The following SLCO2A1 variants were observed in gnomAD, a reference collection of about 807,000 sequenced individuals.
SLCO2A1 encodes solute carrier organic anion transporter family member 2A1, also known as matrin F/G 1.
Under a neutral mutation model 71.7 loss-of-function variants are expected in SLCO2A1, and 60 were observed. The observed-to-expected ratio is 0.84, with a 90% CI of 0.68 to 1.04. SLCO2A1 has a LOEUF of 1.04. Ranked by LOEUF, SLCO2A1 falls within the 50% of genes least tolerant of loss-of-function variation. The pLI is 0.00. For missense variants in SLCO2A1, 745 were observed against 813.4 expected (o/e 0.92, Z 1.02); for synonymous variants, 308 against 326.7 (o/e 0.94, Z 0.62).
intron 1 of SLCO2A1, among the ~76,000 whole-genome samples, chr3:134,009,443 T>G (rs1366926026): frequency 2.6e-5 from 4 of 152,258 alleles, no homozygotes; most frequent in African/African-American, 7.2e-5. Context: ...CCATGATTTA[T>G]TTATTGACTC....
intron 1 of SLCO2A1, among the ~76,000 whole-genome samples, chr3:134,008,134 G>A (rs9822027): frequency 0.74 from 112,370 of 152,136 alleles, 41,794 homozygotes; most frequent in Non-Finnish European, 0.79. Flanking sequence ...TATGAGAACC[G>A]TGAAGGTGAC....
intron 3 of SLCO2A1, among the ~76,000 whole-genome samples, chr3:133,959,352 A>AACTAC (rs1430529396): frequency 6.6e-6 from 1 of 151,712 alleles, no homozygotes; most frequent in African/African-American, 2.4e-5. Flanking sequence ...ATCAAATCAA[A>AACTAC]ACTACAATGA....
At chr3:134,024,887 G>A (rs1012415782) in intron 1 of SLCO2A1, among the ~76,000 whole-genome samples, 8 of 152,148 alleles carry the variant, frequency 5.3e-5, no homozygotes, top group Admixed American at 5.2e-4. Flanking sequence ...CTTGCTCCCA[G>A]TATCAGAGAG....
rs1343515867 is a variant in SLCO2A1 at position 133,947,248 on chromosome 3, C to G, written c.1295+8G>C. ...AAAGGGGATCTCTCTACCCCTTATT[C>G]CCATTACCTAGGGGGGTAGACTTCG... On this transcript the variant is annotated splice_region_variant and intron_variant, in intron 9 of 13. Transcript: ENST00000310926. 2 of 1,612,232 alleles carry G rather than the reference C, an allele frequency of 1.2e-6. No homozygotes were observed. Among genetic ancestry groups the G allele is most frequent in the Non-Finnish European group, 1.7e-6 (2 of 1,178,590 alleles).
In SLCO2A1 at chr3:133,947,392, T is replaced by C; in HGVS notation, c.1159A>G (p.Met387Val). The C allele has an allele frequency of 6.2e-7, 1 of 1,614,054 alleles. No homozygotes were observed. The highest frequency in any genetic ancestry group is 8.5e-7 in the Non-Finnish European group (1 of 1,180,014). ...TGTAGAGAGAAAACAAAGCGCTTCA[T>C]GAGGATTCCTCCAAACAGCATCCCC... ...ALGMLFGGIL[M>V]KRFVFSLQAI... The change falls in exon 9 of 14, where the codon ATG (methionine) becomes GTG (valine). Residue 387 changes from methionine (M) to valine (V), a missense_variant. Physicochemically the swap from Met to Val is conservative, Grantham distance 21. Transcript: ENST00000310926.
rs1425962411 is a variant in SLCO2A1 at position 133,934,441 on chromosome 3, G to C, written c.*272C>G. ...CATCCTCAATGGAGGACTCAACACT[G>C]AAGTGAGCCTGGGCATCTGGGGGCC... On this transcript the variant is annotated 3_prime_UTR_variant, in exon 14 of 14. Coordinates refer to ENST00000310926, the MANE Select transcript of SLCO2A1 (RefSeq NM_005630.3). 5 of 332,028 alleles carry C rather than the reference G, an allele frequency of 1.5e-5. No homozygotes were observed. Among genetic ancestry groups the C allele is most frequent in the African/African-American group, 1.1e-4 (5 of 47,228 alleles). 20.6% of individuals were successfully genotyped at this position (332,028 alleles called of 1,614,324 possible).
chr3:133,956,778 T>C (rs551562938), intron 3 of SLCO2A1, among the ~76,000 whole-genome samples: 1 of 152,126 alleles, frequency 6.6e-6, no homozygotes, highest in Non-Finnish European at 1.5e-5. Context: ...AATAAAAAAA[T>C]AGTAACTAGT....
intron 1 of SLCO2A1, among the ~76,000 whole-genome samples, chr3:134,011,910 G>A (rs1409610541): frequency 6.6e-6 from 1 of 152,194 alleles, no homozygotes; most frequent in Non-Finnish European, 1.5e-5. Flanking sequence ...AAGGAGGAGT[G>A]TGAGAGATGA....
intron 1 of SLCO2A1, among the ~76,000 whole-genome samples, chr3:134,010,091 G>T (rs566999815): frequency 1.3e-5 from 2 of 152,322 alleles, no homozygotes; most frequent in Non-Finnish European, 2.9e-5. Context: ...AAGTGTATTT[G>T]CATTCACAAC....
chr3:133,972,738 A>T lies in SLCO2A1; in HGVS notation c.397+925T>A, dbSNP rs1934354631. On this transcript the variant is annotated intron_variant, in intron 3 of 13. Transcript: ENST00000310926. ...TACCTTCAAAGTGTTGAGAAGAAAT[A>T]ACTATTGATTTAAAATCCTGTTTGT... Among the ~76,000 whole-genome samples the T allele has an allele frequency of 5.3e-5, 8 of 152,224 alleles. No individual in the cohort carries two copies. The South Asian group carries it at 1.7e-3, about 32-fold the overall frequency.
At chr3:134,027,894 CTGGTCT>C (rs1425401279) in intron 1 of SLCO2A1, among the ~76,000 whole-genome samples, 22 of 152,192 alleles carry the variant, frequency 1.4e-4, no homozygotes, top group Non-Finnish European at 2.5e-4. Context: ...CCTCCAAACT[CTGGTCT>C]TGCAATTAGT....
chr3:133,967,769 C>T (rs377581918), intron 3 of SLCO2A1, among the ~76,000 whole-genome samples: 9 of 151,528 alleles, frequency 5.9e-5, no homozygotes, highest in African/African-American at 2.2e-4. Context: ...CATCCCCACC[C>T]TCCAATCACC....
intron 1 of SLCO2A1, among the ~76,000 whole-genome samples, chr3:133,990,714 TCTC>T (rs1176255235): frequency 3.3e-5 from 5 of 152,096 alleles, no homozygotes; most frequent in Non-Finnish European, 5.9e-5. Flanking sequence ...GGCTGGCAGT[TCTC>T]CTCACCTGGG....
At chr3:133,980,944 C>T (rs1315027646) in intron 1 of SLCO2A1, among the ~76,000 whole-genome samples, 3 of 152,250 alleles carry the variant, frequency 2.0e-5, no homozygotes, top group Non-Finnish European at 4.4e-5. Flanking sequence ...GGAAGCCTGC[C>T]TGTCTGGGGG....
At chr3:133,947,109 G>A in intron 9 of SLCO2A1, 147 bp downstream of exon 9, 3 of 639,936 alleles carry the variant, frequency 4.7e-6, no homozygotes, top group Middle Eastern at 4.4e-4. Flanking sequence ...ACTACAGCCT[G>A]GGTGACGGAG....
chr3:133,956,630 G>A (rs977889996), intron 3 of SLCO2A1, among the ~76,000 whole-genome samples: 3 of 152,206 alleles, frequency 2.0e-5, no homozygotes, highest in Non-Finnish European at 4.4e-5. Flanking sequence ...CCCACTCCAT[G>A]TTCATTATCC....
chr3:134,021,933 C>T (rs1935588451), intron 1 of SLCO2A1, among the ~76,000 whole-genome samples: 1 of 151,434 alleles, frequency 6.6e-6, no homozygotes, highest in Non-Finnish European at 1.5e-5. Context: ...AACCCAGTAA[C>T]CCGCAGATGG....
At position 133,947,283 on chromosome 3, in the gene SLCO2A1, G is replaced by C; in HGVS notation, c.1268C>G (p.Pro423Arg). ...VPLFFMGCSTPTVAEVYPPST... is the reference protein window; with the variant it reads ...VPLFFMGCSTRTVAEVYPPST... The stretch of plus-strand genomic sequence containing the variant: ...AGGGGGGTAGACTTCGGCCACAGTT[G>C]GGGTGGAGCATCCCATGAAGAACAA... The change falls in exon 9 of 14, where the codon CCA (proline) becomes CGA (arginine). Residue 423 changes from proline (P) to arginine (R), a missense_variant. Pro to Arg is a moderately radical substitution (Grantham distance 103, BLOSUM62 -2). Coordinates refer to ENST00000310926, the MANE Select transcript of SLCO2A1 (RefSeq NM_005630.3). 5 of 1,614,168 alleles carry C rather than the reference G, an allele frequency of 3.1e-6. No individual in the cohort carries two copies. Among genetic ancestry groups the C allele is most frequent in the Non-Finnish European group, 4.2e-6 (5 of 1,180,038 alleles).
At chr3:133,985,719 A>G (rs951640827) in intron 1 of SLCO2A1, among the ~76,000 whole-genome samples, 1 of 152,256 alleles carries the variant, frequency 6.6e-6, no homozygotes, top group African/African-American at 2.4e-5. Context: ...GCATGAAATG[A>G]TGCCCAGTTC....
Sources: allele counts gnomAD v4.1 joint callset (sites outside exome capture counted in the v4.1 genomes callset), GRCh38; gene constraint gnomAD v4.1.1; transcripts MANE v1.5; gene names NCBI Gene and HGNC (gene_info 2026-07-23, HGNC 2026-07-21).